C2CD3: variants seen among roughly 807,000 people sequenced by gnomAD.
The protein encoded by C2CD3 is C2 domain-containing protein 3.
C2CD3 carries 148 observed loss-of-function variants against 234.0 expected under a neutral mutation model. That is an observed-to-expected ratio of 0.63 (90% confidence interval 0.55 to 0.72). The LOEUF (loss-of-function observed/expected upper bound fraction) is 0.72, where lower values mean the gene tolerates loss of function less well. Among genes scored for constraint, C2CD3 ranks in the 30% least tolerant of loss-of-function variants. The pLI is 0.00. For missense variants in C2CD3, 2,577 were observed against 2,811.5 expected, an observed-to-expected ratio of 0.92 and a Z score of 1.89; for synonymous variants, 1,000 against 1,035.4, an observed-to-expected ratio of 0.97 and a Z score of 0.66.
chr11:74,101,905 G>T (rs993909836), intron 14 of C2CD3, among the ~76,000 whole-genome samples: 1 of 152,040 alleles, frequency 6.6e-6, no homozygotes, highest in Non-Finnish European at 1.5e-5. Context: ...AGGATATAGG[G>T]AATCACGGAA....
intron 7 of C2CD3, among the ~76,000 whole-genome samples, chr11:74,130,668 T>C (rs937019264): frequency 6.6e-6 from 1 of 152,264 alleles, no homozygotes. Flanking sequence ...GATGGGTTTT[T>C]TTCTAAACTA....
intron 26 of C2CD3, among the ~76,000 whole-genome samples, chr11:74,051,945 G>C (rs1953711831): frequency 6.6e-6 from 1 of 152,106 alleles, no homozygotes; most frequent in Non-Finnish European, 1.5e-5. Flanking sequence ...TAGATGTGTT[G>C]AGTTTGTGTG....
Position 74,033,992 on chromosome 11 carries a change from G to A in C2CD3, c.6168C>T (p.Gly2056=). ...RMQSSEDTEA[G]PAYSDEDYEE... is the part of the protein sequence containing the mutation. Reference sequence around the variant, plus strand: ...CATAGTCCTCATCACTGTAGGCTGGGCCTGCCTCAGTGTCTTCACTGCTCT... The same window carrying A: ...CATAGTCCTCATCACTGTAGGCTGGACCTGCCTCAGTGTCTTCACTGCTCT... The change falls in exon 31 of 33, where the codon GGC becomes GGT. Residue 2056 remains glycine (G), a synonymous_variant. Transcript: ENST00000334126. The A allele has an allele frequency of 6.5e-7, 1 of 1,536,470 alleles. No homozygotes were observed. Among genetic ancestry groups the A allele is most frequent in the Non-Finnish European group, 8.7e-7 (1 of 1,146,974 alleles).
Position 74,113,840 on chromosome 11 carries a change from C to G in C2CD3, c.1783G>C (p.Gly595Arg). The G allele has an allele frequency of 6.2e-7, 1 of 1,608,644 alleles. No homozygotes were observed. The change falls in exon 11 of 33, where the codon GGA (glycine) becomes CGA (arginine). Residue 595 changes from glycine to arginine, a missense_variant. Gly to Arg is a moderately radical substitution (Grantham distance 125). Transcript: ENST00000334126. ...FPVGFSESGL[G>R]KTALITEVVR... is the part of the protein sequence containing the mutation. The stretch of plus-strand genomic sequence containing the variant: ...ACCTCAGTGATCAAAGCTGTCTTTC[C>G]CAATCCGCTTTCCGAAAAGCCCACA...
intron 32 of C2CD3, among the ~76,000 whole-genome samples, chr11:74,023,201 G>A (rs1418804295): frequency 2.6e-5 from 4 of 152,212 alleles, no homozygotes; most frequent in Non-Finnish European, 5.9e-5. Context: ...ATCATGTGGG[G>A]AAACCAGGGC....
Position 74,095,380 on chromosome 11 carries a change from T to A in C2CD3, c.3008A>T (p.Glu1003Val). The change falls in exon 17 of 33, where the codon GAG becomes GTG. Residue 1003 changes from glutamate (E) to valine (V), a missense_variant. By Grantham distance (121) the Glu-to-Val change is moderately radical. Coordinates refer to ENST00000334126, the MANE Select transcript of C2CD3 (RefSeq NM_001286577.2). ...MAEDRGNGLMEHCFEIHIEMV... is the reference protein window; with the variant it reads ...MAEDRGNGLMVHCFEIHIEMV... ...CTCTATATGGATCTCAAAGCAGTGC[T>A]CCATCAGTCCATTTCCTCGGTCCTC... 1 of 1,613,060 alleles carries A rather than the reference T, an allele frequency of 6.2e-7. No individual in the cohort carries two copies. Among genetic ancestry groups the A allele is most frequent in the Non-Finnish European group, 8.5e-7 (1 of 1,179,394 alleles).
intron 7 of C2CD3, among the ~76,000 whole-genome samples, chr11:74,127,031 A>G (rs1481592613): frequency 6.6e-6 from 1 of 152,200 alleles, no homozygotes. Flanking sequence ...TATCTGAGAC[A>G]AGGTCTTGCT....
At chr11:74,113,735 C>T (rs752527951) in intron 11 of C2CD3, 45 bp downstream of exon 11, 2 of 1,117,844 alleles carry the variant, frequency 1.8e-6, no homozygotes, top group South Asian at 1.2e-5. Flanking sequence ...AAAATTCTTC[C>T]AAAGTCAGAA....
At chr11:74,119,991 G>C (rs1020817002) in intron 8 of C2CD3, among the ~76,000 whole-genome samples, 1 of 152,024 alleles carries the variant, frequency 6.6e-6, no homozygotes, top group African/African-American at 2.4e-5. Context: ...GTTATCCTTT[G>C]AGTGGCAGCT....
At chr11:74,156,459 CAAAAAAAAAAA>C (rs530606913) in intron 3 of C2CD3, among the ~76,000 whole-genome samples, 2 of 40,932 alleles carry the variant, frequency 4.9e-5, no homozygotes, top group African/African-American at 7.9e-5. Flanking sequence ...GACCCTATCT[CAAAAAAAAAAA>C]AAAAAAAAAA....
At position 74,090,942 on chromosome 11, in the gene C2CD3, G is replaced by A. The variant is rs1955868500; in HGVS notation, c.3518-6C>T. 2 of 1,613,416 alleles carry A rather than the reference G, an allele frequency of 1.2e-6. No individual in the cohort carries two copies. The highest frequency in any genetic ancestry group is 1.3e-5 in the African/African-American group (1 of 74,908). On this transcript the variant is annotated splice_region_variant and splice_polypyrimidine_tract_variant and intron_variant, in intron 19 of 32. Transcript: ENST00000334126. ...TAGGCCCACATCCAGTAAACCTGAA[G>A]AATGAGGACACAAGGAAAGAAGGTT...
chr11:74,103,652 A>G (rs1452526379), intron 13 of C2CD3, 27 bp from the exon 14 acceptor site: 2 of 1,576,842 alleles, frequency 1.3e-6, no homozygotes, highest in South Asian at 2.3e-5. Context: ...GAGAAGAGTC[A>G]ATAAGAATGT....
At chr11:74,158,986 G>A (rs547459513) in intron 3 of C2CD3, among the ~76,000 whole-genome samples, 1 of 152,124 alleles carries the variant, frequency 6.6e-6, no homozygotes, top group African/African-American at 2.4e-5. Flanking sequence ...TATGATCCAG[G>A]AATCTCACTA....
chr11:74,155,582 C>T (rs370182172), intron 3 of C2CD3, among the ~76,000 whole-genome samples: 1 of 152,110 alleles, frequency 6.6e-6, no homozygotes, highest in South Asian at 2.1e-4. Flanking sequence ...ACTTCTGATA[C>T]ATGCTATAAC....
chr11:74,168,311 G>A lies in C2CD3; in HGVS notation c.325+33C>T, dbSNP rs771004395. 11 of 1,565,046 alleles carry A rather than the reference G, an allele frequency of 7.0e-6. No individual in the cohort carries two copies. In the East Asian group the frequency reaches 1.1e-4, roughly 16 times the overall value. Reference sequence around the variant, plus strand: ...AATATAACCACATGCTTTGTATTACGTCTGCAGGTGCAATGATAAAACAAT... The same window carrying A: ...AATATAACCACATGCTTTGTATTACATCTGCAGGTGCAATGATAAAACAAT... On this transcript the variant is annotated intron_variant, in intron 2 of 32. Transcript: ENST00000334126.
intron 3 of C2CD3, among the ~76,000 whole-genome samples, chr11:74,159,596 A>C (rs1856302840): frequency 6.6e-6 from 1 of 152,178 alleles, no homozygotes; most frequent in Admixed American, 6.5e-5. Context: ...GGATATAAAA[A>C]ATTTTTGCAT....
At chr11:74,043,953 A>G (rs1305858935) in intron 28 of C2CD3, among the ~76,000 whole-genome samples, 1 of 152,000 alleles carries the variant, frequency 6.6e-6, no homozygotes, top group Non-Finnish European at 1.5e-5. Flanking sequence ...CCTCCTAAGT[A>G]GCTGAGACCA....
At chr11:74,110,949 G>C (rs1429301635) in intron 11 of C2CD3, among the ~76,000 whole-genome samples, 1 of 152,188 alleles carries the variant, frequency 6.6e-6, no homozygotes, top group Non-Finnish European at 1.5e-5. Flanking sequence ...ACCCAGTCTT[G>C]CAATTCTTTG....
intron 31 of C2CD3, among the ~76,000 whole-genome samples, chr11:74,032,523 T>G (rs1952564487): frequency 6.6e-6 from 1 of 152,128 alleles, no homozygotes; most frequent in African/African-American, 2.4e-5. Context: ...ACTGGGGACT[T>G]GGGAAAGTCC....
Sources: gnomAD v4.1 joint callset for allele counts (sites outside exome capture counted in the v4.1 genomes callset) on GRCh38, gnomAD v4.1.1 for gene constraint, MANE v1.5 for transcripts, NCBI Gene and HGNC (gene_info 2026-07-23, HGNC 2026-07-21) for gene names.